The following SUCLG2 variants were observed in gnomAD, a reference collection of about 807,000 sequenced individuals.
The protein encoded by SUCLG2 is succinate-CoA ligase GDP-forming subunit beta.
A neutral mutation model predicts 47.9 loss-of-function variants in SUCLG2; 42 were observed. The ratio of observed to expected loss-of-function variants is 0.88; its 90% CI spans 0.69 to 1.14. SUCLG2 has a LOEUF of 1.14. Among genes scored for constraint, SUCLG2 ranks in the 50% most tolerant of loss-of-function variants. The probability of loss-of-function intolerance (pLI) is 0.00; values close to 1 mark genes in which losing one functional copy is unlikely to be tolerated. For missense variants in SUCLG2, 571 were observed against 525.9 expected, an observed-to-expected ratio of 1.09 and a Z score of -0.84; for synonymous variants, 195 against 197.3, an observed-to-expected ratio of 0.99 and a Z score of 0.10.
At chr3:67,473,431 T>G (rs938555457) in intron 9 of SUCLG2, among the ~76,000 whole-genome samples, 3 of 152,202 alleles carry the variant, frequency 2.0e-5, no homozygotes, top group Non-Finnish European at 4.4e-5. Context: ...TTGTGATTTT[T>G]TTTTTAAAAG....
intron 1 of SUCLG2, among the ~76,000 whole-genome samples, chr3:67,612,225 A>C (rs919407465): frequency 1.3e-5 from 2 of 152,246 alleles, no homozygotes; most frequent in Admixed American, 1.3e-4. Context: ...TGGATGTGGT[A>C]GTGCATGCCC....
intron 9 of SUCLG2, among the ~76,000 whole-genome samples, chr3:67,415,968 A>C (rs1703031505): frequency 6.6e-6 from 1 of 152,202 alleles, no homozygotes; most frequent in African/African-American, 2.4e-5. Context: ...GCCAACTGCC[A>C]AGCCATAAGG....
chr3:67,580,733 G>A (rs1048904681), intron 2 of SUCLG2, among the ~76,000 whole-genome samples: 1 of 152,140 alleles, frequency 6.6e-6, no homozygotes, highest in Non-Finnish European at 1.5e-5. Context: ...GGTCAGTTTT[G>A]AACACAGTTG....
chr3:67,638,439 G>C (rs1015916187), intron 1 of SUCLG2, among the ~76,000 whole-genome samples: 1 of 152,148 alleles, frequency 6.6e-6, no homozygotes, highest in African/African-American at 2.4e-5. Context: ...TTGACAGTGT[G>C]AAGCTGTTCA....
intron 9 of SUCLG2, among the ~76,000 whole-genome samples, chr3:67,458,809 C>T (rs1423422363): frequency 6.6e-6 from 1 of 152,174 alleles, no homozygotes; most frequent in Non-Finnish European, 1.5e-5. Context: ...TATCGTTAAA[C>T]AACTCAGTCT....
At position 67,570,273 on chromosome 3, in the gene SUCLG2, A is replaced by G. The variant is rs573627646; in HGVS notation, c.226+39182T>C. Among the ~76,000 whole-genome samples, 14 of 152,348 alleles carry G rather than the reference A, an allele frequency of 9.2e-5. No homozygotes were observed. In the South Asian group the frequency reaches 2.5e-3, roughly 27 times the overall value. On this transcript the variant is annotated intron_variant, in intron 2 of 10. Transcript: ENST00000307227. ...GGTAGCATTTTGTTATGGCAGCCCT[A>G]GCTGACTAATATGCCTGCCATTTAC...
intron 9 of SUCLG2, among the ~76,000 whole-genome samples, chr3:67,487,656 T>C (rs535560645): frequency 1.3e-5 from 2 of 152,242 alleles, no homozygotes; most frequent in South Asian, 2.1e-4. Context: ...TTAAAAATGC[T>C]ACCTCTCCTG....
chr3:67,370,975 A>G (rs1479158245), downstream of SUCLG2, among the ~76,000 whole-genome samples: 2 of 152,230 alleles, frequency 1.3e-5, no homozygotes, highest in Non-Finnish European at 1.5e-5. Context: ...GCAACTAGTT[A>G]TAAGGATTTA....
chr3:67,382,630 A>G (rs780395870), intron 10 of SUCLG2, among the ~76,000 whole-genome samples: 11 of 152,230 alleles, frequency 7.2e-5, no homozygotes, highest in Admixed American at 7.2e-4. Context: ...ATTTTATGAT[A>G]CATGAAAGTT....
chr3:67,589,436 T>C (rs1708101310), intron 2 of SUCLG2, among the ~76,000 whole-genome samples: 1 of 152,234 alleles, frequency 6.6e-6, no homozygotes, highest in African/African-American at 2.4e-5. Flanking sequence ...CTGCTTTTCA[T>C]TAAACTGACT....
chr3:67,393,300 A>T lies in SUCLG2; in HGVS notation c.1183+7431T>A, dbSNP rs371032872. Among the ~76,000 whole-genome samples, 49 of 151,408 alleles carry T rather than the reference A, an allele frequency of 3.2e-4. No homozygotes were observed. The East Asian group carries it at 4.1e-3, about 13-fold the overall frequency. ...AGGGGTGACAGATGGCACCTGGAAA[A>T]TCGGGTCACTCCCACCCGAATACTG... On this transcript the variant is annotated intron_variant, in intron 10 of 10. Coordinates refer to ENST00000307227, the MANE Select transcript of SUCLG2 (RefSeq NM_003848.4).
chr3:67,380,161 A>T (rs1325652286), intron 10 of SUCLG2, among the ~76,000 whole-genome samples: 4 of 129,264 alleles, frequency 3.1e-5, no homozygotes, highest in African/African-American at 1.2e-4. Flanking sequence ...TGCAATCAGG[A>T]GGGATTTTTT....
rs755692064 is a variant in SUCLG2 at position 67,529,080 on chromosome 3, GACTT to G, written c.326+3_326+6del. ...AAAAGACAAGGAATAACAACCTCCAGACTTACTCTTTTGTTAAATGAACACCTCC... is the reference window on the plus strand; with the variant it reads ...AAAAGACAAGGAATAACAACCTCCAGACTCTTTTGTTAAATGAACACCTCC... On this transcript the variant is annotated splice_donor_5th_base_variant and intron_variant, in intron 3 of 10. Coordinates refer to ENST00000307227, the MANE Select transcript of SUCLG2 (RefSeq NM_003848.4). 6.2e-7 allele frequency: 1 copy of G among 1,603,356 alleles called. No individual in the cohort carries two copies. The highest frequency in any genetic ancestry group is 8.5e-7 in the Non-Finnish European group (1 of 1,175,354).
chr3:67,522,961 G>T (rs1706157468), intron 4 of SUCLG2, among the ~76,000 whole-genome samples: 1 of 151,710 alleles, frequency 6.6e-6, no homozygotes, highest in African/African-American at 2.4e-5. Context: ...ACCGTGCCTG[G>T]CCTAATTGTT....
chr3:67,555,721 C>T (rs1349066278), intron 2 of SUCLG2, among the ~76,000 whole-genome samples: 1 of 152,180 alleles, frequency 6.6e-6, no homozygotes, highest in Non-Finnish European at 1.5e-5. Context: ...GAAGAACAGG[C>T]TCTTCCTTAT....
At chr3:67,383,736 T>A in intron 10 of SUCLG2, among the ~76,000 whole-genome samples, 1 of 152,170 alleles carries the variant, frequency 6.6e-6, no homozygotes, top group East Asian at 1.9e-4. Context: ...GTGCTTATGC[T>A]TTCAATTACG....
intron 10 of SUCLG2, among the ~76,000 whole-genome samples, chr3:67,399,385 T>A (rs964688527): frequency 6.6e-6 from 1 of 152,154 alleles, no homozygotes; most frequent in Non-Finnish European, 1.5e-5. Flanking sequence ...TTTCTTGGAA[T>A]AAAGACTGAC....
At chr3:67,628,414 G>A (rs1253498284) in intron 1 of SUCLG2, among the ~76,000 whole-genome samples, 1 of 152,210 alleles carries the variant, frequency 6.6e-6, no homozygotes, top group Non-Finnish European at 1.5e-5. Flanking sequence ...TTTGGGATGA[G>A]TGGATGAGAC....
intron 9 of SUCLG2, among the ~76,000 whole-genome samples, chr3:67,487,350 T>G (rs1487389201): frequency 6.6e-6 from 1 of 152,158 alleles, no homozygotes; most frequent in Non-Finnish European, 1.5e-5. Context: ...CAATATACTC[T>G]ACACAATAGT....
Sources: gnomAD v4.1 joint callset for allele counts (sites outside exome capture counted in the v4.1 genomes callset) on GRCh38, gnomAD v4.1.1 for gene constraint, MANE v1.5 for transcripts, NCBI Gene and HGNC (gene_info 2026-07-23, HGNC 2026-07-21) for gene names.